The following ZNF331 variants were observed in gnomAD, a reference collection of about 807,000 sequenced individuals.
The protein encoded by ZNF331 is C2H2-like zinc finger protein rearranged in thyroid adenomas.
In ZNF331, 2 loss-of-function variants were observed where a neutral mutation model predicts 7.0. The observed-to-expected ratio is 0.29, with a 90% CI of 0.12 to 0.90. ZNF331 has a LOEUF of 0.90. ZNF331 is among the 40% of genes least tolerant of loss of function. ZNF331 has a pLI of 0.58. For synonymous variants in ZNF331, 196 were observed against 205.4 expected, an observed-to-expected ratio of 0.95 and a Z score of 0.39; for missense variants, 432 against 587.7, an observed-to-expected ratio of 0.74 and a Z score of 2.74.
At chr19:53,525,079 G>A (rs2087241615) in intron 2 of ZNF331, among the ~76,000 whole-genome samples, 1 of 152,268 alleles carries the variant, frequency 6.6e-6, no homozygotes, top group East Asian at 1.9e-4. Flanking sequence ...GGTTGTAGAT[G>A]TGTGGTGTTA....
intron 2 of ZNF331, among the ~76,000 whole-genome samples, chr19:53,527,214 C>A (rs2708755): frequency 0.26 from 39,840 of 151,694 alleles, 6,184 homozygotes; most frequent in African/African-American, 0.44. Context: ...TAAGGAAGTC[C>A]TGAATTTAAA....
chr19:53,542,177 C>T (rs1206959703), intron 2 of ZNF331, among the ~76,000 whole-genome samples: 2 of 152,178 alleles, frequency 1.3e-5, no homozygotes, highest in Admixed American at 6.5e-5. Flanking sequence ...AGCCATGAGT[C>T]GCATTACACC....
At chr19:53,562,894 A>G (rs1422166724) in intron 3 of ZNF331, among the ~76,000 whole-genome samples, 1 of 151,818 alleles carries the variant, frequency 6.6e-6, no homozygotes, top group Admixed American at 6.6e-5. Context: ...AGACTGAGGC[A>G]GGAGAATCGC....
At chr19:53,528,451 A>G (rs2569567) in intron 2 of ZNF331, among the ~76,000 whole-genome samples, 39,981 of 152,120 alleles carry the variant, frequency 0.26, 6,228 homozygotes, top group African/African-American at 0.44. Context: ...ATGTATTACT[A>G]TGTTTTATGT....
In ZNF331 at chr19:53,577,970, G is replaced by C. The variant is rs1290028581; in HGVS notation, c.*18G>C. ...ACAGTTGAAGAGCCTTTTGAACGCA[G>C]TAGCCCGCTCGTATCTATGGTTTCG... On this transcript the variant is annotated 3_prime_UTR_variant, in exon 6 of 6. Coordinates refer to ENST00000449416, the MANE Select transcript of ZNF331 (RefSeq NM_001079906.2). 3.1e-6 allele frequency: 5 copies of C among 1,596,722 alleles called. No individual in the cohort carries two copies. The highest frequency in any genetic ancestry group is 4.3e-6 in the Non-Finnish European group (5 of 1,168,822).
rs974825411 is a variant in ZNF331, at chr19:53,571,976, A to T, written c.136+246A>T. The stretch of plus-strand genomic sequence containing the variant: ...CTTAATGTCCGTGGAATGAGTGGGA[A>T]TTCTGGGATATTTATTTCATGACCA... On this transcript the variant is annotated intron_variant, in intron 5 of 5. Transcript: ENST00000449416. This position sits in a 1 kb window ranked among gnomAD's most constrained non-coding sequence, Gnocchi z 4.7. Among the ~76,000 whole-genome samples the T allele has an allele frequency of 1.3e-5, 2 of 152,104 alleles. No individual in the cohort carries two copies. Among genetic ancestry groups the T allele is most frequent in the Admixed American group, 1.3e-4 (2 of 15,254 alleles).
intron 2 of ZNF331, among the ~76,000 whole-genome samples, chr19:53,525,765 C>T (rs2147243128): frequency 6.6e-6 from 1 of 152,280 alleles, no homozygotes; most frequent in South Asian, 2.1e-4. Flanking sequence ...TTCTTCACTT[C>T]CTATTTGATT....
At chr19:53,513,279 G>C in the ZNF331 span, among the ~76,000 whole-genome samples, 28,002 of 135,470 alleles carry the variant, frequency 0.21, 1,231 homozygotes, top group Middle Eastern at 0.25. Context: ...GCAAGCGTGG[G>C]AGTGCAGATA....
intron 2 of ZNF331, among the ~76,000 whole-genome samples, chr19:53,545,419 G>T (rs564405039): frequency 7.2e-5 from 11 of 152,364 alleles, no homozygotes; most frequent in African/African-American, 2.6e-4. Flanking sequence ...AGCTCGGGCA[G>T]CCTGTGCTGT....
At chr19:53,512,423 A>C in the ZNF331 span, 1 of 152,216 alleles carries the variant, frequency 6.6e-6, no homozygotes, top group East Asian at 1.9e-4. Flanking sequence ...CCTAGAGTGC[A>C]GGGAGATCCC....
At chr19:53,559,878 T>C (rs533796434) in intron 3 of ZNF331, among the ~76,000 whole-genome samples, 1 of 149,594 alleles carries the variant, frequency 6.7e-6, no homozygotes, top group South Asian at 2.1e-4. Flanking sequence ...CACGAGCATA[T>C]ACACACACAT....
rs565230024 is a variant in ZNF331 at position 53,557,358 on chromosome 19, G to A, written c.-74+1450G>A. Among the ~76,000 whole-genome samples, 211 of 152,254 alleles carry A rather than the reference G, an allele frequency of 1.4e-3. 2 individuals are homozygous for A. Among genetic ancestry groups the A allele is most frequent in the African/African-American group, 3.9e-3 (160 of 41,550 alleles). On this transcript the variant is annotated intron_variant, in intron 3 of 5. Coordinates refer to ENST00000449416, the MANE Select transcript of ZNF331 (RefSeq NM_001079906.2). ...TGAGGCCTTCTTCAAGGTTGCAGGC[G>A]ACCACCCTCGTGCCATGGCCACACA...
chr19:53,510,862 A>G, the ZNF331 span, among the ~76,000 whole-genome samples: 4 of 152,184 alleles, frequency 2.6e-5, no homozygotes, highest in African/African-American at 9.6e-5. Context: ...TCTTATATAC[A>G]TTTAACATAT....
At chr19:53,565,877 C>CT (rs1430498547) in intron 3 of ZNF331, among the ~76,000 whole-genome samples, 1 of 152,076 alleles carries the variant, frequency 6.6e-6, no homozygotes, top group Non-Finnish European at 1.5e-5. Flanking sequence ...TTTGGAGAGT[C>CT]TAATTGCCTC....
chr19:53,516,272 G>C (rs1349750292), upstream of ZNF331, among the ~76,000 whole-genome samples: 1 of 152,038 alleles, frequency 6.6e-6, no homozygotes, highest in Admixed American at 6.5e-5. Flanking sequence ...CTAACATGGT[G>C]AAACGCTGTC....
At chr19:53,526,354 C>T (rs775796551) in intron 2 of ZNF331, among the ~76,000 whole-genome samples, 5 of 152,034 alleles carry the variant, frequency 3.3e-5, no homozygotes, top group East Asian at 3.9e-4. Flanking sequence ...ATTAGGTCTT[C>T]GAATGTTTGG....
intron 5 of ZNF331, among the ~76,000 whole-genome samples, chr19:53,572,732 G>A (rs937368268): frequency 2.6e-5 from 4 of 151,496 alleles, no homozygotes; most frequent in Non-Finnish European, 5.9e-5. Context: ...ATTGCATTTC[G>A]TTCTCACAGG....
chr19:53,540,645 C>G (rs1254104706), intron 2 of ZNF331, among the ~76,000 whole-genome samples: 1 of 152,164 alleles, frequency 6.6e-6, no homozygotes, highest in Non-Finnish European at 1.5e-5. Flanking sequence ...GTTGATCAGG[C>G]TGGTCTCGAA....
intron 3 of ZNF331, among the ~76,000 whole-genome samples, chr19:53,562,965 G>A (rs890090043): frequency 1.3e-5 from 2 of 151,940 alleles, no homozygotes; most frequent in Non-Finnish European, 2.9e-5. Flanking sequence ...TCCAGCCTCA[G>A]CAACAGAGTG....
Sources: allele counts gnomAD v4.1 joint callset (sites outside exome capture counted in the v4.1 genomes callset), GRCh38; gene constraint gnomAD v4.1.1; non-coding constraint Gnocchi (gnomAD v3.1); transcripts MANE v1.5; gene names NCBI Gene and HGNC (gene_info 2026-07-23, HGNC 2026-07-21).